The following STARD5 variants were observed in gnomAD, a reference collection of about 807,000 sequenced individuals.
STARD5 encodes the protein StAR related lipid transfer domain containing 5.
In STARD5, 26 loss-of-function variants were observed where a neutral mutation model predicts 24.6. The observed-to-expected ratio is 1.06, with a 90% CI of 0.77 to 1.47. The LOEUF (loss-of-function observed/expected upper bound fraction) is 1.47, where lower values mean the gene tolerates loss of function less well. Among genes scored for constraint, STARD5 ranks in the 40% most tolerant of loss-of-function variants. STARD5 has a pLI of 0.00. For missense variants in STARD5, 254 were observed against 270.8 expected, an observed-to-expected ratio of 0.94 and a Z score of 0.44; for synonymous variants, 101 against 99.7, an observed-to-expected ratio of 1.01 and a Z score of -0.07.
In STARD5 at chr15:81,321,136, C is replaced by T. The variant is rs189516652; in HGVS notation, c.282+1272G>A. On this transcript the variant is annotated intron_variant, in intron 3 of 5. Coordinates refer to ENST00000302824, the MANE Select transcript of STARD5 (RefSeq NM_181900.3). ...TGCTTCCCCTCTACTTTGCAGTTGT[C>T]TATTGAAAAGTTTGTATCTTTTCAT... is the stretch of plus-strand genomic sequence containing the variant. 9.3e-3 allele frequency among the ~76,000 whole-genome samples: 1,423 copies of T among 152,198 alleles called. 8 individuals carry two copies. The highest frequency in any genetic ancestry group is 0.014 in the Non-Finnish European group (978 of 68,010).
intron 5 of STARD5, chr15:81,313,656 CAAA>C (rs1234691289): frequency 3.3e-6 from 1 of 306,170 alleles, no homozygotes; most frequent in African/African-American, 2.2e-5. Context: ...ACTCCCAGCC[CAAA>C]AACCCAGTAC....
chr15:81,323,456 A>T (rs192694468), intron 1 of STARD5: 165 of 386,172 alleles, frequency 4.3e-4, no homozygotes, highest in Middle Eastern at 4.3e-3. Context: ...GCAACGACAA[A>T]GAGAGGGGTT....
Position 81,312,957 on chromosome 15 carries a change from C to T in STARD5, c.*299G>A, listed in dbSNP as rs529370208. On this transcript the variant is annotated 3_prime_UTR_variant, in exon 6 of 6. Coordinates refer to ENST00000302824, the MANE Select transcript of STARD5 (RefSeq NM_181900.3). The stretch of plus-strand genomic sequence containing the variant: ...AGAGTGCATCGCATGGTGTCCAGGC[C>T]GAGTCTCTGTCAGATGGTTAGAGGC... The T allele has an allele frequency of 9.7e-5, 19 of 195,008 alleles. No individual in the cohort carries two copies. Among genetic ancestry groups the T allele is most frequent in the East Asian group, 2.5e-4 (2 of 7,982 alleles). The allele number at this position is 195,008 out of a possible 1,614,324, so 12.1% of individuals were successfully genotyped here.
Position 81,322,955 on chromosome 15 carries a change from A to C in STARD5, c.100-7T>G. On this transcript the variant is annotated splice_region_variant and splice_polypyrimidine_tract_variant and intron_variant, in intron 1 of 5. Coordinates refer to ENST00000302824, the MANE Select transcript of STARD5 (RefSeq NM_181900.3). Reference sequence around the variant, plus strand: ...AGGAAACTGAAACTCCATTCTGTCAAAAGGCACAGAACCACAGAATTTTAG... The same window carrying C: ...AGGAAACTGAAACTCCATTCTGTCACAAGGCACAGAACCACAGAATTTTAG... 1 of 1,614,046 alleles carries C rather than the reference A, an allele frequency of 6.2e-7. No individual in the cohort carries two copies. The highest frequency in any genetic ancestry group is 8.5e-7 in the Non-Finnish European group (1 of 1,180,014).
At chr15:81,314,795 A>C (rs1901039487) in intron 5 of STARD5, among the ~76,000 whole-genome samples, 1 of 150,302 alleles carries the variant, frequency 6.7e-6, no homozygotes, top group Admixed American at 6.7e-5. Flanking sequence ...CTGAGGCAGG[A>C]GAATCGCTTG....
In STARD5 at chr15:81,322,510, T is replaced by C. The variant is rs1356687027; in HGVS notation, c.180A>G (p.Thr60=). 1.5e-5 allele frequency: 25 copies of C among 1,614,102 alleles called. No homozygotes were observed. Among genetic ancestry groups the C allele is most frequent in the Non-Finnish European group, 2.1e-5 (25 of 1,180,046 alleles). The stretch of plus-strand genomic sequence containing the variant: ...TCACACAGTCCCACACCTCCTCTAG[T>C]GTCCCATATACAATGCCTTCTCCTC... ...LYRGEGIVYG[T]LEEVWDCVKP... is the part of the protein sequence containing the mutation. Residue 60 remains threonine, a synonymous_variant, in exon 3 of 6, where the codon ACA becomes ACG. Coordinates refer to ENST00000302824, the MANE Select transcript of STARD5 (RefSeq NM_181900.3).
Position 81,322,349 on chromosome 15 carries a change from G to A in STARD5, c.282+59C>T, listed in dbSNP as rs560088279. On this transcript the variant is annotated intron_variant, in intron 3 of 5. Coordinates refer to ENST00000302824, the MANE Select transcript of STARD5 (RefSeq NM_181900.3). ...GGACCCCTTCCAGAAGAAATGGGAG[G>A]GGGTTACTATAGCCTGGCCCAGACA... is the stretch of plus-strand genomic sequence containing the variant. 1.5e-4 allele frequency: 246 copies of A among 1,606,420 alleles called. 6 individuals carry two copies. The South Asian group carries it at 2.4e-3, about 16-fold the overall frequency.
In STARD5 at chr15:81,318,485, G is replaced by A. The variant is rs775357444; in HGVS notation, c.418C>T (p.Pro140Ser). 10 of 1,613,944 alleles carry A rather than the reference G, an allele frequency of 6.2e-6. No individual in the cohort carries two copies. The highest frequency in any genetic ancestry group is 8.5e-6 in the Non-Finnish European group (10 of 1,180,020). ...ISSNATHVEH[P>S]LCPPKPGFVR... Reference sequence around the variant, plus strand: ...AAACCTGGCTTCGGGGGACATAACGGATGCTCCACATGGGTGGCTGGAAGA... The same window carrying A: ...AAACCTGGCTTCGGGGGACATAACGAATGCTCCACATGGGTGGCTGGAAGA... Residue 140 changes from proline (P) to serine (S), a missense_variant, in exon 5 of 6, where the codon CCG becomes TCG. Pro to Ser is a moderately conservative substitution (Grantham distance 74, BLOSUM62 -1). Coordinates refer to ENST00000302824, the MANE Select transcript of STARD5 (RefSeq NM_181900.3).
intron 3 of STARD5, among the ~76,000 whole-genome samples, chr15:81,321,984 G>C (rs949798255): frequency 6.6e-6 from 1 of 152,224 alleles, no homozygotes; most frequent in African/African-American, 2.4e-5. Context: ...GATGTGTGAG[G>C]ATGATGCATA....
At chr15:81,319,901 C>G (rs1294260558) in intron 3 of STARD5, among the ~76,000 whole-genome samples, 1 of 152,186 alleles carries the variant, frequency 6.6e-6, no homozygotes, top group African/African-American at 2.4e-5. Flanking sequence ...AGGGCCAGAG[C>G]TAGGGAGAGG....
intron 3 of STARD5, among the ~76,000 whole-genome samples, chr15:81,320,359 C>G (rs1265275761): frequency 6.6e-6 from 1 of 152,170 alleles, no homozygotes; most frequent in Non-Finnish European, 1.5e-5. Context: ...CATGGGGGCA[C>G]TTGAGCACTT....
chr15:81,313,462 G>C (rs976158769), intron 5 of STARD5, 59 bp from the exon 6 acceptor site: 5 of 1,431,936 alleles, frequency 3.5e-6, no homozygotes, highest in Non-Finnish European at 2.8e-6. Flanking sequence ...GGGGACGAGC[G>C]CCAGGCAGGT....
intron 3 of STARD5, among the ~76,000 whole-genome samples, chr15:81,320,733 G>A (rs1329342600): frequency 6.6e-5 from 10 of 152,160 alleles, no homozygotes; most frequent in Admixed American, 6.5e-4. Context: ...AATGGCAGAA[G>A]TGATGAAAAT....
chr15:81,317,590 G>C (rs914587638), intron 5 of STARD5, among the ~76,000 whole-genome samples: 2 of 152,200 alleles, frequency 1.3e-5, no homozygotes, highest in African/African-American at 4.8e-5. Flanking sequence ...TTAGCAAAGA[G>C]GGTAACATAA....
At chr15:81,319,512 C>A in intron 3 of STARD5, 56 bp from the exon 4 acceptor site, 3 of 1,473,012 alleles carry the variant, frequency 2.0e-6, no homozygotes, top group Non-Finnish European at 2.9e-6. Context: ...CTTCTCCCAA[C>A]TCCCACCCCA....
In STARD5 at chr15:81,322,960, C is replaced by G. The variant is rs200443527; in HGVS notation, c.100-12G>C. On this transcript the variant is annotated splice_polypyrimidine_tract_variant and intron_variant, in intron 1 of 5. Transcript: ENST00000302824. ...ACTGAAACTCCATTCTGTCAAAAGGCACAGAACCACAGAATTTTAGAGCTA... is the reference window on the plus strand; with the variant it reads ...ACTGAAACTCCATTCTGTCAAAAGGGACAGAACCACAGAATTTTAGAGCTA... 7.1e-5 allele frequency: 115 copies of G among 1,613,950 alleles called. No individual in the cohort carries two copies. The South Asian group carries it at 1.1e-3, about 15-fold the overall frequency.
chr15:81,318,330 G>T, intron 5 of STARD5, 79 bp downstream of exon 5: 2 of 1,169,912 alleles, frequency 1.7e-6, no homozygotes, highest in South Asian at 1.2e-5. Flanking sequence ...TAGTCAAAGT[G>T]CCCCTTTTCA....
chr15:81,317,194 CAAAAA>C (rs34300152), intron 5 of STARD5, among the ~76,000 whole-genome samples: 8 of 106,678 alleles, frequency 7.5e-5, no homozygotes, highest in Non-Finnish European at 1.6e-4. Flanking sequence ...AACTCCGTCT[CAAAAA>C]AAAAAAAAAA....
Position 81,319,470 on chromosome 15 carries a change from G to A in STARD5, c.283-14C>T, listed in dbSNP as rs777190622. ...TACACACAGGGTCTGCCAAACCAAA[G>A]AAGCATGTAGCTGTGACTGCTGGCC... On this transcript the variant is annotated splice_polypyrimidine_tract_variant and intron_variant, in intron 3 of 5. Transcript: ENST00000302824. The A allele has an allele frequency of 8.7e-6, 14 of 1,610,692 alleles. No homozygotes were observed. Among genetic ancestry groups the A allele is most frequent in the African/African-American group, 1.3e-5 (1 of 74,940 alleles).
Sources: allele counts gnomAD v4.1 joint callset (sites outside exome capture counted in the v4.1 genomes callset), GRCh38; gene constraint gnomAD v4.1.1; transcripts MANE v1.5; gene names NCBI Gene and HGNC (gene_info 2026-07-23, HGNC 2026-07-21).